The following PLEKHG7 variants were observed in gnomAD, a reference collection of about 807,000 sequenced individuals.
PLEKHG7 encodes the protein pleckstrin homology domain-containing family G member 7.
In PLEKHG7, 77 loss-of-function variants were observed where a neutral mutation model predicts 85.2. The observed-to-expected ratio is 0.90, with a 90% CI of 0.75 to 1.09. The LOEUF (loss-of-function observed/expected upper bound fraction) is 1.09, where lower values mean the gene tolerates loss of function less well. PLEKHG7 is among the 50% of genes least tolerant of loss of function. The pLI, the probability that PLEKHG7 is intolerant of heterozygous loss-of-function variation, is 0.00. For missense variants in PLEKHG7, 777 were observed against 804.3 expected (o/e 0.97, Z 0.41); for synonymous variants, 301 against 302.4 (o/e 1.00, Z 0.05).
At chr12:92,714,804 C>T (rs895230074) in intron 3 of PLEKHG7, among the ~76,000 whole-genome samples, 2 of 152,186 alleles carry the variant, frequency 1.3e-5, no homozygotes, top group Non-Finnish European at 2.9e-5. Context: ...TGTTGCATAA[C>T]TCTCCAAACG....
chr12:92,745,619 A>G (rs747335271), intron 10 of PLEKHG7, 28 bp downstream of exon 10: 6 of 1,515,754 alleles, frequency 4.0e-6, no homozygotes, highest in South Asian at 1.1e-5. Context: ...TTTCTTTTGT[A>G]TTTTTGCTGA....
intron 15 of PLEKHG7, among the ~76,000 whole-genome samples, chr12:92,766,029 A>T (rs1873185702): frequency 2.0e-5 from 3 of 152,182 alleles, no homozygotes; most frequent in African/African-American, 7.2e-5. Flanking sequence ...AAATCTGCCA[A>T]GCCAGACAGC....
At chr12:92,718,884 C>G (rs188983200) in intron 3 of PLEKHG7, among the ~76,000 whole-genome samples, 3 of 152,312 alleles carry the variant, frequency 2.0e-5, no homozygotes, top group Non-Finnish European at 4.4e-5. Flanking sequence ...CCCACAGCCA[C>G]AGTACATGGC....
chr12:92,708,956 C>G (rs1226977650), intron 3 of PLEKHG7, among the ~76,000 whole-genome samples: 1 of 152,052 alleles, frequency 6.6e-6, no homozygotes, highest in Non-Finnish European at 1.5e-5. Flanking sequence ...ATAAAGCTCT[C>G]AGATGAGATC....
At chr12:92,725,402 C>G (rs967939463) in intron 3 of PLEKHG7, among the ~76,000 whole-genome samples, 1 of 151,946 alleles carries the variant, frequency 6.6e-6, no homozygotes, top group Non-Finnish European at 1.5e-5. Context: ...AAGGTTCAGA[C>G]TTAAATTTTA....
At chr12:92,717,732 A>T (rs755182163) in intron 3 of PLEKHG7, among the ~76,000 whole-genome samples, 3 of 152,230 alleles carry the variant, frequency 2.0e-5, no homozygotes, top group Non-Finnish European at 2.9e-5. Flanking sequence ...GACACCTTAC[A>T]GCCTAGGTGT....
intron 9 of PLEKHG7, 59 bp downstream of exon 9, chr12:92,741,651 A>G: frequency 7.7e-7 from 1 of 1,290,870 alleles, no homozygotes; most frequent in Admixed American, 1.8e-5. Context: ...CTCCCAGGAC[A>G]GTTGTTTATA....
chr12:92,731,309 T>C (rs1221440370), intron 4 of PLEKHG7, among the ~76,000 whole-genome samples: 2 of 152,190 alleles, frequency 1.3e-5, no homozygotes, highest in Admixed American at 6.5e-5. Flanking sequence ...TCAAAATGAA[T>C]GAGAGGATAA....
intron 10 of PLEKHG7, among the ~76,000 whole-genome samples, chr12:92,746,723 A>G (rs1400490169): frequency 6.6e-6 from 1 of 152,248 alleles, no homozygotes; most frequent in Non-Finnish European, 1.5e-5. Flanking sequence ...AATCCTATAT[A>G]CATATATTCA....
At chr12:92,753,131 A>G (rs778273707) in intron 10 of PLEKHG7, among the ~76,000 whole-genome samples, 1 of 152,204 alleles carries the variant, frequency 6.6e-6, no homozygotes, top group Non-Finnish European at 1.5e-5. Flanking sequence ...GAAAGCAAAC[A>G]TTCAGTTGAT....
At chr12:92,744,684 G>A (rs1872474085) in intron 9 of PLEKHG7, among the ~76,000 whole-genome samples, 1 of 150,258 alleles carries the variant, frequency 6.7e-6, no homozygotes, top group African/African-American at 2.5e-5. Flanking sequence ...TTTGGATATG[G>A]AGATGGAGTC....
chr12:92,728,868 C>T (rs549627603), intron 3 of PLEKHG7, 125 bp from the exon 4 acceptor site: 142 of 676,578 alleles, frequency 2.1e-4, no homozygotes, highest in Non-Finnish European at 2.8e-4. Flanking sequence ...CACCAATGGA[C>T]TATAAGCATC....
intron 7 of PLEKHG7, 130 bp downstream of exon 7, chr12:92,737,651 A>G: frequency 1.0e-6 from 1 of 957,550 alleles, no homozygotes; most frequent in Non-Finnish European, 1.5e-6. Flanking sequence ...AGAGACAAAG[A>G]GAAAGAAAGG....
intron 3 of PLEKHG7, among the ~76,000 whole-genome samples, chr12:92,714,441 T>C (rs1871428330): frequency 6.6e-6 from 1 of 152,220 alleles, no homozygotes; most frequent in African/African-American, 2.4e-5. Flanking sequence ...ATGCCCTCAC[T>C]TTAACAGTAG....
chr12:92,730,713 C>T (rs1195017041), intron 4 of PLEKHG7, among the ~76,000 whole-genome samples: 1 of 152,266 alleles, frequency 6.6e-6, no homozygotes, highest in East Asian at 1.9e-4. Context: ...AGCCGCTGTG[C>T]CCAGCCAGCA....
At chr12:92,736,108 G>T (rs1449166268) in intron 5 of PLEKHG7, among the ~76,000 whole-genome samples, 1 of 152,086 alleles carries the variant, frequency 6.6e-6, no homozygotes, top group Non-Finnish European at 1.5e-5. Flanking sequence ...ACCTTCTGAT[G>T]TTAATAAATC....
intron 10 of PLEKHG7, 64 bp from the exon 11 acceptor site, chr12:92,754,026 A>G: frequency 6.5e-7 from 1 of 1,529,974 alleles, no homozygotes; most frequent in South Asian, 1.2e-5. Context: ...TCTCATATCC[A>G]GGCTTCTTAG....
Position 92,754,111 on chromosome 12 carries a change from T to C in PLEKHG7, c.1273T>C (p.Cys425Arg), listed in dbSNP as rs1872760195. 1.2e-6 allele frequency: 2 copies of C among 1,613,864 alleles called. No individual in the cohort carries two copies. Among genetic ancestry groups the C allele is most frequent in the South Asian group, 2.2e-5 (2 of 91,064 alleles). The change falls in exon 11 of 17, where the codon TGC becomes CGC. Residue 425 changes from cysteine (C) to arginine (R), a missense_variant. By Grantham distance (180) the Cys-to-Arg change is radical. This residue lies in a region of PLEKHG7 where 520 missense variants were observed against 544.0 expected (regional missense o/e 0.96). Coordinates refer to ENST00000344636, the MANE Select transcript of PLEKHG7 (RefSeq NM_001377329.1). Reference protein sequence around the residue: ...YLKWCEQNEQCRRLHVPELLV... With the variant: ...YLKWCEQNEQRRRLHVPELLV... ...CCAGTGGTGTGAGCAGAATGAACAA[T>C]GCAGACGGCTCCACGTGCCAGAGCT...
intron 3 of PLEKHG7, chr12:92,708,029 G>T (rs1435278743): frequency 6.8e-6 from 2 of 294,686 alleles, no homozygotes; most frequent in Admixed American, 9.2e-5. Context: ...GAAAAATTTG[G>T]AGGATAAAAG....
Sources: gnomAD v4.1 joint callset for allele counts (sites outside exome capture counted in the v4.1 genomes callset) on GRCh38, gnomAD v4.1.1 for gene constraint, gnomAD v4.1.1 regional missense constraint, MANE v1.5 for transcripts, NCBI Gene and HGNC (gene_info 2026-07-23, HGNC 2026-07-21) for gene names.